The following GNPDA2 variants were observed in gnomAD, a reference collection of about 807,000 sequenced individuals.
GNPDA2 encodes glcN6P deaminase 2.
Under a neutral mutation model 27.0 loss-of-function variants are expected in GNPDA2, and 24 were observed. The observed-to-expected ratio is 0.89, with a 90% confidence interval of 0.64 to 1.25. The LOEUF (loss-of-function observed/expected upper bound fraction) is 1.25. Among genes scored for constraint, GNPDA2 ranks in the 50% most tolerant of loss-of-function variants. The pLI, the probability that GNPDA2 is intolerant of heterozygous loss-of-function variation, is 0.00. For missense variants in GNPDA2, 286 were observed against 335.1 expected, an observed-to-expected ratio of 0.85 and a Z score of 1.14; for synonymous variants, 94 against 108.4, an observed-to-expected ratio of 0.87 and a Z score of 0.83.
chr4:44,714,383 A>G (rs1717156270), intron 4 of GNPDA2: 1 of 985,384 alleles, frequency 1.0e-6, no homozygotes, highest in East Asian at 1.1e-4. Flanking sequence ...TTGCCATCAG[A>G]GGAGGAATTA....
In GNPDA2 at chr4:44,711,024, C is replaced by A. The variant is rs747456299; in HGVS notation, c.523G>T (p.Asp175Tyr). 1.2e-6 allele frequency: 2 copies of A among 1,613,474 alleles called. No individual in the cohort carries two copies. Among genetic ancestry groups the A allele is most frequent in the Non-Finnish European group, 1.7e-6 (2 of 1,179,680 alleles). Residue 175 changes from aspartate (D) to tyrosine (Y), a missense_variant, in exon 5 of 7, where the codon GAT becomes TAT. By Grantham distance (160) the Asp-to-Tyr change is radical (BLOSUM62 -3). Coordinates refer to ENST00000295448, the MANE Select transcript of GNPDA2 (RefSeq NM_138335.3). ...GTTGGCACTTTTGATAAATCTCCAT[C>A]AAAATATTTGGCATTTGCCAAGATG... The part of the protein sequence containing the change: ...DTILANAKYF[D>Y]GDLSKVPTMA...
At chr4:44,717,400 C>T in intron 3 of GNPDA2, 105 bp from the exon 4 acceptor site, 1 of 584,274 alleles carries the variant, frequency 1.7e-6, no homozygotes, top group Non-Finnish European at 2.8e-6. Flanking sequence ...CTTCTCTATA[C>T]CATATTCAAT....
chr4:44,707,841 GAA>G lies in GNPDA2; in HGVS notation c.678_679del (p.Ser227ArgfsTer14). The G allele has an allele frequency of 6.2e-7, 1 of 1,613,366 alleles. No homozygotes were observed. The highest frequency in any genetic ancestry group is 8.5e-7 in the Non-Finnish European group (1 of 1,179,498). On this transcript the variant is annotated frameshift_variant, in exon 6 of 7. Transcript: ENST00000295448. LOFTEE classifies it high-confidence loss of function. ...AGTCCGGGGATGCTGCTGGAAAGCG[GAA>G]ACAGTCCACATGTGATTGACTCCTT...
Position 44,722,221 on chromosome 4 carries a change from A to C in GNPDA2, c.-14T>G, listed in dbSNP as rs1465846177. The C allele has an allele frequency of 1.2e-6, 2 of 1,612,500 alleles. No homozygotes were observed. Among genetic ancestry groups the C allele is most frequent in the Non-Finnish European group, 1.7e-6 (2 of 1,179,230 alleles). On this transcript the variant is annotated 5_prime_UTR_variant, in exon 2 of 7. Transcript: ENST00000295448. ...TACAAGCCTCATTACGGTGACGCAC[A>C]GCTTCCAGAACAAGTTCAAACCTGA...
intron 4 of GNPDA2, chr4:44,714,628 G>C (rs1367221420): frequency 1.0e-6 from 1 of 984,264 alleles, no homozygotes; most frequent in Non-Finnish European, 1.2e-6. Context: ...ATCCCATTTG[G>C]CACAGTTCTT....
intron 4 of GNPDA2, among the ~76,000 whole-genome samples, chr4:44,711,809 G>GTATATATATATATA (rs35046303): frequency 2.7e-4 from 28 of 103,398 alleles, no homozygotes; most frequent in Middle Eastern, 6.0e-3. Context: ...TTGCAATCTA[G>GTATATATATATATA]TATATATATA....
chr4:44,716,992 G>A (rs1026916954), intron 4 of GNPDA2, 121 bp downstream of exon 4: 2 of 588,764 alleles, frequency 3.4e-6, no homozygotes, highest in Middle Eastern at 4.6e-4. Context: ...CAGAATAAAC[G>A]CGTATTACGG....
At chr4:44,706,903 T>C (rs1348980590) in intron 6 of GNPDA2, 5 of 152,014 alleles carry the variant, frequency 3.3e-5, no homozygotes, top group Non-Finnish European at 7.4e-5. Context: ...AAAAGTAGCA[T>C]ACATACTACA....
chr4:44,711,704 T>C (rs1301192903), intron 4 of GNPDA2, among the ~76,000 whole-genome samples: 1 of 151,694 alleles, frequency 6.6e-6, no homozygotes, highest in Non-Finnish European at 1.5e-5. Context: ...TCCTCACTTA[T>C]AAAAATGTGT....
chr4:44,717,052 A>T, intron 4 of GNPDA2, 61 bp downstream of exon 4: 1 of 1,219,706 alleles, frequency 8.2e-7, no homozygotes, highest in East Asian at 2.4e-5. Context: ...TTATTTTTTA[A>T]ATTTAAAAAT....
intron 4 of GNPDA2, among the ~76,000 whole-genome samples, chr4:44,716,311 T>A (rs1404217524): frequency 1.3e-5 from 2 of 151,916 alleles, no homozygotes; most frequent in African/African-American, 4.8e-5. Flanking sequence ...TCTATTAAGT[T>A]AATAATAAGT....
rs1022967533 is a variant in GNPDA2 at position 44,726,532 on chromosome 4, C to A, written c.-94G>T. 4 of 152,394 alleles carry A rather than the reference C, an allele frequency of 2.6e-5. No individual in the cohort carries two copies. The highest frequency in any genetic ancestry group is 6.5e-5 in the Admixed American group (1 of 15,292). 9.4% of individuals were successfully genotyped at this position (152,394 alleles called of 1,614,324 possible). On this transcript the variant is annotated 5_prime_UTR_variant, in exon 1 of 7. Transcript: ENST00000295448. Reference sequence around the variant, plus strand: ...GCGGGAACAAGCAACACCCAACCACCCGAGAGCGACCCCAGCTGACCAGTG... The same window carrying A: ...GCGGGAACAAGCAACACCCAACCACACGAGAGCGACCCCAGCTGACCAGTG...
intron 1 of GNPDA2, among the ~76,000 whole-genome samples, chr4:44,724,079 G>A (rs1717857860): frequency 6.6e-6 from 1 of 152,108 alleles, no homozygotes; most frequent in Non-Finnish European, 1.5e-5. Context: ...TTTGCTACTT[G>A]GGCATGGGGA....
At chr4:44,713,532 C>G (rs997702897) in intron 4 of GNPDA2, among the ~76,000 whole-genome samples, 1 of 152,128 alleles carries the variant, frequency 6.6e-6, no homozygotes, top group African/African-American at 2.4e-5. Context: ...AAGCATGCAA[C>G]CAAATCAGAA....
chr4:44,702,822 A>G lies in GNPDA2; in HGVS notation c.*259T>C. On this transcript the variant is annotated 3_prime_UTR_variant, in exon 7 of 7. Transcript: ENST00000295448. ...ACTTTTTAAACAGGCAGACATTTCT[A>G]TGCTGTTTTATAGGTGGCTATGTGA... 1.5e-6 allele frequency: 2 copies of G among 1,291,996 alleles called. No individual in the cohort carries two copies. Among genetic ancestry groups the G allele is most frequent in the South Asian group, 1.9e-5 (1 of 51,822 alleles). The allele number at this position is 1,291,996 out of a possible 1,614,324, so 80.0% of individuals were successfully genotyped here.
chr4:44,725,100 G>A (rs925920611), intron 1 of GNPDA2, among the ~76,000 whole-genome samples: 2 of 151,466 alleles, frequency 1.3e-5, no homozygotes, highest in African/African-American at 4.8e-5. Context: ...TCCTGGGCAT[G>A]TTATTTTTCT....
At position 44,702,721 on chromosome 4, in the gene GNPDA2, C is replaced by A; in HGVS notation, c.*360G>T. On this transcript the variant is annotated 3_prime_UTR_variant, in exon 7 of 7. Transcript: ENST00000295448. The stretch of plus-strand genomic sequence containing the variant: ...ATCTGAAAGGTTTGGAGTGTCTTGT[C>A]ATTAAAAAATGAAATATACGCCACT... The A allele has an allele frequency of 9.4e-7, 1 of 1,065,482 alleles. No homozygotes were observed. Among genetic ancestry groups the A allele is most frequent in the Non-Finnish European group, 1.1e-6 (1 of 882,296 alleles). The allele number at this position is 1,065,482 out of a possible 1,614,324, so 66.0% of individuals were successfully genotyped here.
At chr4:44,718,179 G>A (rs1364315483) in intron 3 of GNPDA2, 130 bp downstream of exon 3, 1 of 414,528 alleles carries the variant, frequency 2.4e-6, no homozygotes, top group African/African-American at 2.1e-5. Flanking sequence ...GTACATTTTA[G>A]AAATATATTC....
At chr4:44,714,512 T>C in intron 4 of GNPDA2, 1 of 985,394 alleles carries the variant, frequency 1.0e-6, no homozygotes, top group Non-Finnish European at 1.2e-6. Context: ...CTCTTCTCAT[T>C]CTACTGTTTC....
Sources: allele counts gnomAD v4.1 joint callset (sites outside exome capture counted in the v4.1 genomes callset), GRCh38; gene constraint gnomAD v4.1.1; transcripts MANE v1.5; gene names NCBI Gene and HGNC (gene_info 2026-07-23, HGNC 2026-07-21).